Variants in RANBP17 observed in about 807,000 individuals in gnomAD.
RANBP17 encodes the protein RAN binding protein 17, also known as ran-binding protein 17.
In RANBP17, 158 loss-of-function variants were observed where a neutral mutation model predicts 141.2. That is an observed-to-expected ratio of 1.12 (90% confidence interval 0.98 to 1.28). The LOEUF is 1.28. Among genes scored for constraint, RANBP17 ranks in the 50% most tolerant of loss-of-function variants. RANBP17 has a pLI of 0.00. For missense variants in RANBP17, 1,438 were observed against 1,290.7 expected (o/e 1.11, Z -1.75); for synonymous variants, 430 against 450.0 (o/e 0.96, Z 0.56).
At chr5:171,276,933 A>C (rs1349673485) in intron 25 of RANBP17, among the ~76,000 whole-genome samples, 2 of 151,038 alleles carry the variant, frequency 1.3e-5, no homozygotes, top group East Asian at 1.9e-4. Flanking sequence ...AAAAAAAAAA[A>C]AAAAAAAAAA....
intron 14 of RANBP17, among the ~76,000 whole-genome samples, chr5:170,969,404 C>T (rs182996230): frequency 2.0e-5 from 3 of 151,904 alleles, no homozygotes; most frequent in Admixed American, 2.0e-4. Flanking sequence ...GTCAGTAAGA[C>T]AACTTAGAAT....
At chr5:170,992,817 G>A (rs1256282384) in intron 14 of RANBP17, among the ~76,000 whole-genome samples, 3 of 151,894 alleles carry the variant, frequency 2.0e-5, no homozygotes, top group African/African-American at 7.2e-5. Context: ...TAGAGTAGTG[G>A]CCTCAAACTG....
At chr5:171,044,361 G>A (rs2127640095) in intron 14 of RANBP17, among the ~76,000 whole-genome samples, 1 of 151,708 alleles carries the variant, frequency 6.6e-6, no homozygotes, top group African/African-American at 2.4e-5. Flanking sequence ...ATATATTTCA[G>A]CATATTAAAG....
At chr5:171,294,161 C>T (rs1367629798) in intron 26 of RANBP17, among the ~76,000 whole-genome samples, 180 bp downstream of exon 26, 1 of 152,180 alleles carries the variant, frequency 6.6e-6, no homozygotes, top group East Asian at 1.9e-4. Context: ...GGCCTCAGAT[C>T]TTCTTCAGGT....
chr5:171,081,489 A>G (rs911688995), intron 14 of RANBP17, among the ~76,000 whole-genome samples: 1 of 152,172 alleles, frequency 6.6e-6, no homozygotes, highest in Non-Finnish European at 1.5e-5. Flanking sequence ...CGTATCATGT[A>G]GTGTCCTTTG....
intron 13 of RANBP17, among the ~76,000 whole-genome samples, chr5:170,955,468 A>ATATC (rs10642012): frequency 0.027 from 581 of 21,524 alleles, 9 homozygotes; most frequent in African/African-American, 0.047. Context: ...ATATATATCT[A>ATATC]TATATATATA....
At chr5:170,915,423 A>G (rs965894754) in intron 8 of RANBP17, among the ~76,000 whole-genome samples, 3 of 152,118 alleles carry the variant, frequency 2.0e-5, no homozygotes, top group Admixed American at 1.3e-4. Flanking sequence ...TGGCATTGAG[A>G]TTGAAACACA....
At chr5:170,948,650 A>G (rs957239991) in intron 12 of RANBP17, among the ~76,000 whole-genome samples, 3 of 152,200 alleles carry the variant, frequency 2.0e-5, no homozygotes, top group Admixed American at 6.6e-5. Flanking sequence ...TGATCTCCAA[A>G]TCCGGTGCAA....
At chr5:171,264,857 GAA>G (rs1029075280) in intron 24 of RANBP17, among the ~76,000 whole-genome samples, 2 of 152,140 alleles carry the variant, frequency 1.3e-5, no homozygotes, top group African/African-American at 4.8e-5. Flanking sequence ...CCCTCTACCT[GAA>G]AAGTGTCCTT....
At chr5:171,224,702 C>A (rs536704194) in intron 22 of RANBP17, among the ~76,000 whole-genome samples, 1 of 152,154 alleles carries the variant, frequency 6.6e-6, no homozygotes, top group African/African-American at 2.4e-5. Context: ...AGAGACAAAA[C>A]GTCCAGAGCA....
At chr5:171,053,826 CATT>C (rs1783132336) in intron 14 of RANBP17, among the ~76,000 whole-genome samples, 2 of 136,256 alleles carry the variant, frequency 1.5e-5, no homozygotes, top group Non-Finnish European at 3.1e-5. Context: ...AGTCTTTCAC[CATT>C]GAATGTGATG....
At chr5:171,247,476 A>G (rs1038494998) in intron 24 of RANBP17, among the ~76,000 whole-genome samples, 3 of 152,226 alleles carry the variant, frequency 2.0e-5, no homozygotes, top group Non-Finnish European at 4.4e-5. Flanking sequence ...TTTAATTTCT[A>G]TTGTTGCCTT....
At position 171,186,461 on chromosome 5, in the gene RANBP17, A is replaced by C. The variant is rs2127928411; in HGVS notation, c.2038+3031A>C. ...TTCCTCACCTCTCAGCTTTCATAGAATAGAGTTAGGGCCTTGCTTCACATT... is the reference window on the plus strand; with the variant it reads ...TTCCTCACCTCTCAGCTTTCATAGACTAGAGTTAGGGCCTTGCTTCACATT... On this transcript the variant is annotated intron_variant, in intron 18 of 27. Coordinates refer to ENST00000523189, the MANE Select transcript of RANBP17 (RefSeq NM_022897.5). Among the ~76,000 whole-genome samples, 4 of 150,202 alleles carry C rather than the reference A, an allele frequency of 2.7e-5. No individual in the cohort carries two copies. The East Asian group carries it at 7.9e-4, about 30-fold the overall frequency.
At chr5:170,937,487 ATAT>A (rs1773977195) in intron 12 of RANBP17, among the ~76,000 whole-genome samples, 2 of 152,268 alleles carry the variant, frequency 1.3e-5, no homozygotes, top group African/African-American at 4.8e-5. Flanking sequence ...TTCAGCCTTC[ATAT>A]TATTTTTGGA....
Position 170,878,239 on chromosome 5 carries a change from G to C in RANBP17, c.161G>C (p.Gly54Ala), listed in dbSNP as rs781090413. 1 of 1,604,948 alleles carries C rather than the reference G, an allele frequency of 6.2e-7. No individual in the cohort carries two copies. The highest frequency in any genetic ancestry group is 1.3e-5 in the African/African-American group (1 of 74,636). Residue 54 changes from glycine to alanine, a missense_variant, in exon 2 of 28, where the codon GGA (glycine) becomes GCA (alanine). By Grantham distance (60) the Gly-to-Ala change is moderately conservative. Coordinates refer to ENST00000523189, the MANE Select transcript of RANBP17 (RefSeq NM_022897.5). ...LSKCQLLLEQ[G>A]TTSYAQLLAA... ...AAGTGTCAACTTTTATTAGAACAAG[G>C]AACAGTAAGTATTTGGTAACAATGA...
At chr5:171,014,810 A>T (rs1780321848) in intron 14 of RANBP17, among the ~76,000 whole-genome samples, 1 of 151,884 alleles carries the variant, frequency 6.6e-6, no homozygotes, top group Admixed American at 6.6e-5. Context: ...TTCTTTCTGA[A>T]GGGTTTCTTG....
intron 14 of RANBP17, among the ~76,000 whole-genome samples, chr5:171,010,940 G>A (rs1349998986): frequency 6.6e-6 from 1 of 152,046 alleles, no homozygotes; most frequent in Non-Finnish European, 1.5e-5. Context: ...AAAGGAAATT[G>A]CAGGCCCACA....
intron 22 of RANBP17, among the ~76,000 whole-genome samples, chr5:171,238,317 A>G (rs1436951068): frequency 1.3e-5 from 2 of 152,214 alleles, no homozygotes; most frequent in Admixed American, 6.5e-5. Context: ...TGTATCTGAC[A>G]TAGTCCAAAA....
chr5:171,183,628 A>G (rs1214455686), intron 18 of RANBP17, among the ~76,000 whole-genome samples, 198 bp downstream of exon 18: 1 of 152,208 alleles, frequency 6.6e-6, no homozygotes, highest in Admixed American at 6.5e-5. Flanking sequence ...TTAAGGTGGC[A>G]TTTTTCACTT....
Sources: allele counts gnomAD v4.1 joint callset (sites outside exome capture counted in the v4.1 genomes callset), GRCh38; gene constraint gnomAD v4.1.1; transcripts MANE v1.5; gene names NCBI Gene and HGNC (gene_info 2026-07-23, HGNC 2026-07-21).